HSD17B2: variants seen among roughly 807,000 people sequenced by gnomAD.
HSD17B2 encodes 17-beta-hydroxysteroid dehydrogenase type 2.
In HSD17B2, 32 loss-of-function variants were observed where a neutral mutation model predicts 26.9. The observed-to-expected ratio is 1.19, with a 90% CI of 0.90 to 1.60. The LOEUF (loss-of-function observed/expected upper bound fraction) is 1.60, where lower values mean the gene tolerates loss of function less well. Among genes scored for constraint, HSD17B2 ranks in the 40% most tolerant of loss-of-function variants. HSD17B2 has a pLI of 0.00. For synonymous variants in HSD17B2, 246 were observed against 186.7 expected (o/e 1.32, Z -2.59); for missense variants, 613 against 468.6 (o/e 1.31, Z -2.85).
intron 1 of HSD17B2, among the ~76,000 whole-genome samples, chr16:82,038,265 A>C (rs967653903): frequency 6.6e-6 from 1 of 152,264 alleles, no homozygotes; most frequent in Non-Finnish European, 1.5e-5. Context: ...AGAGTGTTTG[A>C]ATACATATTT....
At chr16:82,043,046 C>A (rs1913810494) in intron 1 of HSD17B2, among the ~76,000 whole-genome samples, 1 of 152,270 alleles carries the variant, frequency 6.6e-6, no homozygotes, top group Admixed American at 6.5e-5. Context: ...TTTTCTCTTG[C>A]TTATGCAGTT....
At chr16:82,041,739 A>G (rs1422486827) in intron 1 of HSD17B2, among the ~76,000 whole-genome samples, 2 of 152,082 alleles carry the variant, frequency 1.3e-5, no homozygotes, top group African/African-American at 2.4e-5. Context: ...CACTTCCTCC[A>G]AGGTAATCTC....
At chr16:82,090,814 T>TAC (rs1379492978) in intron 3 of HSD17B2, 88 bp from the exon 4 acceptor site, 216 of 1,285,054 alleles carry the variant, frequency 1.7e-4, no homozygotes, top group Middle Eastern at 1.0e-3. Context: ...TACCAGTTCC[T>TAC]ACATACAGTA....
chr16:82,071,886 T>C (rs929111179), intron 3 of HSD17B2: 1 of 152,570 alleles, frequency 6.6e-6, no homozygotes, highest in Non-Finnish European at 1.5e-5. Context: ...CTCTGGATCC[T>C]AGGATCCTGC....
At chr16:82,035,966 A>G (rs990257428) in intron 1 of HSD17B2, among the ~76,000 whole-genome samples, 1 of 152,174 alleles carries the variant, frequency 6.6e-6, no homozygotes, top group Non-Finnish European at 1.5e-5. Context: ...GCAAAATGGC[A>G]ATATTTCATG....
At chr16:82,047,884 T>C (rs1913983615) in intron 1 of HSD17B2, among the ~76,000 whole-genome samples, 1 of 152,196 alleles carries the variant, frequency 6.6e-6, no homozygotes, top group Non-Finnish European at 1.5e-5. Flanking sequence ...AAGGAATGAA[T>C]GCATAGACAA....
At chr16:82,066,139 T>G (rs192771443) in intron 1 of HSD17B2, among the ~76,000 whole-genome samples, 1 of 152,360 alleles carries the variant, frequency 6.6e-6, no homozygotes, top group East Asian at 1.9e-4. Flanking sequence ...TGCATTAATT[T>G]ACACTAAGAC....
chr16:82,060,086 T>C (rs951398457), intron 1 of HSD17B2, among the ~76,000 whole-genome samples: 1 of 152,242 alleles, frequency 6.6e-6, no homozygotes, highest in Non-Finnish European at 1.5e-5. Flanking sequence ...CTAAGTATGC[T>C]AGAGTTTTGT....
At chr16:82,069,874 A>T (rs932573889) in intron 2 of HSD17B2, among the ~76,000 whole-genome samples, 2 of 152,138 alleles carry the variant, frequency 1.3e-5, no homozygotes, top group African/African-American at 4.8e-5. Context: ...CTTCTGAAGC[A>T]CCAGGCCCTG....
chr16:82,077,256 A>C (rs1446593968), intron 3 of HSD17B2, among the ~76,000 whole-genome samples: 1 of 152,220 alleles, frequency 6.6e-6, no homozygotes, highest in Non-Finnish European at 1.5e-5. Flanking sequence ...ACATTACCTG[A>C]CTTCAGATTA....
At chr16:82,090,358 G>A (rs1481732762) in intron 3 of HSD17B2, 3 of 179,672 alleles carry the variant, frequency 1.7e-5, no homozygotes, top group South Asian at 2.1e-4. Context: ...TCACTCTTTC[G>A]AAAGGCTGGA....
At chr16:82,036,874 G>T (rs1025696868) in intron 1 of HSD17B2, among the ~76,000 whole-genome samples, 1 of 152,056 alleles carries the variant, frequency 6.6e-6, no homozygotes, top group African/African-American at 2.4e-5. Context: ...ATGGCTTATC[G>T]GTGAAATTTG....
chr16:82,075,980 C>T (rs1234968511), intron 3 of HSD17B2, among the ~76,000 whole-genome samples: 1 of 147,076 alleles, frequency 6.8e-6, no homozygotes, highest in African/African-American at 2.5e-5. Context: ...AAATCCTTAA[C>T]AAAATACTAG....
At chr16:82,070,067 A>G (rs572391844) in intron 2 of HSD17B2, among the ~76,000 whole-genome samples, 75 of 152,338 alleles carry the variant, frequency 4.9e-4, no homozygotes, top group Non-Finnish European at 9.0e-4. Context: ...TTCTCCACGT[A>G]TACAAAGTTA....
chr16:82,070,579 G>T (rs1021693340), intron 2 of HSD17B2, among the ~76,000 whole-genome samples: 5 of 152,204 alleles, frequency 3.3e-5, no homozygotes, highest in African/African-American at 9.7e-5. Flanking sequence ...GTGGTTTGTT[G>T]GTTCCCTATC....
At chr16:82,063,115 T>A (rs1914486527) in intron 1 of HSD17B2, 1 of 151,840 alleles carries the variant, frequency 6.6e-6, no homozygotes. Context: ...GAAGTGGAGG[T>A]TCCACATGGT....
At chr16:82,054,849 G>C (rs534365233) in intron 1 of HSD17B2, among the ~76,000 whole-genome samples, 5 of 152,218 alleles carry the variant, frequency 3.3e-5, no homozygotes, top group Non-Finnish European at 7.4e-5. Context: ...GTCAACTCAA[G>C]TCACACCTTG....
At chr16:82,047,653 G>C (rs1260224152) in intron 1 of HSD17B2, among the ~76,000 whole-genome samples, 1 of 152,324 alleles carries the variant, frequency 6.6e-6, no homozygotes, top group South Asian at 2.1e-4. Flanking sequence ...GCCAACTGGA[G>C]GGACTTTATG....
At chr16:82,052,810 C>T (rs1914148432) in intron 1 of HSD17B2, among the ~76,000 whole-genome samples, 3 of 152,186 alleles carry the variant, frequency 2.0e-5, no homozygotes, top group Admixed American at 1.3e-4. Flanking sequence ...TGTAAAAAAG[C>T]ATAACAGACT....
Sources: gnomAD v4.1 joint callset for allele counts (sites outside exome capture counted in the v4.1 genomes callset) on GRCh38, gnomAD v4.1.1 for gene constraint, MANE v1.5 for transcripts, NCBI Gene and HGNC (gene_info 2026-07-23, HGNC 2026-07-21) for gene names.